Variants in INSL6 observed in about 807,000 individuals in gnomAD.
INSL6 encodes insulin like 6.
Under a neutral mutation model 9.4 loss-of-function variants are expected in INSL6, and 16 were observed. The observed-to-expected ratio is 1.70, with a 90% CI of 1.15 to 2.59. The LOEUF (loss-of-function observed/expected upper bound fraction) is 2.59. Among genes scored for constraint, INSL6 ranks in the 30% most tolerant of loss-of-function variants. The pLI, the probability that INSL6 is intolerant of heterozygous loss-of-function variation, is 0.00. For missense variants in INSL6, 391 were observed against 257.3 expected (o/e 1.52, Z -3.56); for synonymous variants, 154 against 96.9 (o/e 1.59, Z -3.46).
chr9:5,048,022 G>A, the INSL6 span, among the ~76,000 whole-genome samples: 1 of 152,080 alleles, frequency 6.6e-6, no homozygotes, highest in African/African-American at 2.4e-5. Context: ...TTTCTCTAGT[G>A]AATAGTTTAT....
the INSL6 span, among the ~76,000 whole-genome samples, chr9:5,004,291 G>A: frequency 2.6e-5 from 4 of 152,164 alleles, no homozygotes; most frequent in South Asian, 8.3e-4. Flanking sequence ...TCCTCCTAAT[G>A]GGACCCTCAG....
the INSL6 span, among the ~76,000 whole-genome samples, chr9:5,088,659 T>C: frequency 6.6e-6 from 1 of 152,242 alleles, no homozygotes; most frequent in Non-Finnish European, 1.5e-5. Context: ...CATTTATTTC[T>C]TTGAATTCCA....
At chr9:5,025,605 C>T in the INSL6 span, among the ~76,000 whole-genome samples, 1 of 149,932 alleles carries the variant, frequency 6.7e-6, no homozygotes, top group African/African-American at 2.5e-5. Flanking sequence ...ATGATTATGG[C>T]ACACTGCCAC....
chr9:5,004,827 C>G, the INSL6 span, among the ~76,000 whole-genome samples: 2 of 151,768 alleles, frequency 1.3e-5, no homozygotes, highest in African/African-American at 4.8e-5. Context: ...CTCATTGTAA[C>G]AGGCATGAGG....
At chr9:5,112,202 C>T in the INSL6 span, 1 of 272,478 alleles carries the variant, frequency 3.7e-6, no homozygotes. Context: ...TTCGCCGGCC[C>T]CATGCTGCTG....
At chr9:5,078,986 T>C in the INSL6 span, among the ~76,000 whole-genome samples, 3 of 152,240 alleles carry the variant, frequency 2.0e-5, no homozygotes, top group African/African-American at 4.8e-5. Context: ...TAGATAATTA[T>C]AACTGAATTT....
chr9:5,007,018 C>CT, the INSL6 span, among the ~76,000 whole-genome samples: 21 of 152,142 alleles, frequency 1.4e-4, no homozygotes, highest in South Asian at 3.7e-3. Context: ...GTTTTATCTT[C>CT]TTTTTTTCTT....
At chr9:5,157,470 G>GT (rs1398032952) in intron 2 of INSL6, among the ~76,000 whole-genome samples, 1 of 151,974 alleles carries the variant, frequency 6.6e-6, no homozygotes, top group South Asian at 2.1e-4. Context: ...ACTGATTTTT[G>GT]TAAGGCATAG....
chr9:5,098,594 A>G, the INSL6 span: 2 of 152,210 alleles, frequency 1.3e-5, no homozygotes, highest in Non-Finnish European at 2.9e-5. Context: ...ATTCTGTATA[A>G]AACAGATGAA....
At chr9:5,088,947 C>G in the INSL6 span, among the ~76,000 whole-genome samples, 1 of 152,182 alleles carries the variant, frequency 6.6e-6, no homozygotes, top group Admixed American at 6.5e-5. Flanking sequence ...TAAGGGGTCA[C>G]TGACATTTAG....
chr9:5,111,297 C>T, the INSL6 span: 1 of 474,658 alleles, frequency 2.1e-6, no homozygotes, highest in Non-Finnish European at 4.1e-6. Context: ...GCCGGGCAAG[C>T]TGGCCCTCAG....
downstream of INSL6, among the ~76,000 whole-genome samples, chr9:5,160,657 G>A (rs976321778): frequency 6.6e-6 from 1 of 152,066 alleles, no homozygotes; most frequent in Non-Finnish European, 1.5e-5. Flanking sequence ...ACACAAAGTT[G>A]GTTTTTAGAA....
the INSL6 span, among the ~76,000 whole-genome samples, chr9:4,994,738 C>T: frequency 6.6e-6 from 1 of 152,128 alleles, no homozygotes; most frequent in Non-Finnish European, 1.5e-5. Flanking sequence ...CTGTGCTCTG[C>T]CAATTCCCAA....
chr9:5,121,843 C>T (rs546322475), downstream of INSL6, among the ~76,000 whole-genome samples: 13 of 152,030 alleles, frequency 8.6e-5, no homozygotes, highest in African/African-American at 2.2e-4. Flanking sequence ...TGGAAATGTG[C>T]GGGAAATTAC....
chr9:5,029,587 G>A, the INSL6 span, among the ~76,000 whole-genome samples: 1 of 152,166 alleles, frequency 6.6e-6, no homozygotes, highest in African/African-American at 2.4e-5. Flanking sequence ...GCACTAAAAT[G>A]AAGTATGTTT....
intron 2 of INSL6, among the ~76,000 whole-genome samples, chr9:5,135,782 C>T (rs1824377798): frequency 6.6e-6 from 1 of 151,896 alleles, no homozygotes; most frequent in African/African-American, 2.4e-5. Flanking sequence ...CAGAGCAGAA[C>T]TGAGCAAGAC....
chr9:5,171,526 G>C lies in INSL6; in HGVS notation c.290-7261C>G, dbSNP rs146395765. 1.1e-3 allele frequency among the ~76,000 whole-genome samples: 164 copies of C among 152,348 alleles called. 2 individuals are homozygous for C. The East Asian group carries it at 0.012, about 11-fold the overall frequency. On this transcript the variant is annotated intron_variant, in intron 1 of 1. Transcript: ENST00000381641. The stretch of plus-strand genomic sequence containing the variant: ...GAAATAAAGGGTATTCAAATAGGAA[G>C]AGAGGAAGCCAAATTGTCTTTGTTT...
At chr9:4,992,010 C>T in the INSL6 span, among the ~76,000 whole-genome samples, 3 of 152,168 alleles carry the variant, frequency 2.0e-5, no homozygotes, top group Admixed American at 2.0e-4. Context: ...ATTAGGCTCA[C>T]AGATACCATG....
chr9:5,150,285 A>G (rs1379223701), intron 2 of INSL6, among the ~76,000 whole-genome samples: 1 of 152,236 alleles, frequency 6.6e-6, no homozygotes, highest in Non-Finnish European at 1.5e-5. Context: ...TGCACAGCAA[A>G]AGAAATAATC....
Sources: gnomAD v4.1 joint callset for allele counts (sites outside exome capture counted in the v4.1 genomes callset) on GRCh38, gnomAD v4.1.1 for gene constraint, MANE v1.5 for transcripts, NCBI Gene and HGNC (gene_info 2026-07-23, HGNC 2026-07-21) for gene names.